Variants in CRCP observed in about 807,000 individuals in gnomAD.
The protein encoded by CRCP is CGRP receptor component, also known as DNA-directed RNA polymerase III subunit RPC9.
CRCP carries 18 observed loss-of-function variants against 18.5 expected under a neutral mutation model. The observed-to-expected ratio is 0.97, with a 90% CI of 0.67 to 1.44. The LOEUF is 1.44. Ranked by LOEUF, CRCP falls within the 40% of genes most tolerant of loss-of-function variation. CRCP has a pLI of 0.00. For missense variants in CRCP, 130 were observed against 176.4 expected, an observed-to-expected ratio of 0.74 and a Z score of 1.49; for synonymous variants, 53 against 62.9, an observed-to-expected ratio of 0.84 and a Z score of 0.75.
chr7:66,125,704 G>A (rs1390389528), intron 1 of CRCP, among the ~76,000 whole-genome samples: 1 of 149,330 alleles, frequency 6.7e-6, no homozygotes, highest in Admixed American at 6.7e-5. Flanking sequence ...AATGGCCAAG[G>A]ACAAATTTCC....
In CRCP at chr7:66,154,223, A is replaced by G. The variant is rs1584108064; in HGVS notation, c.*1866A>G. The G allele has an allele frequency of 7.5e-6, 1 of 133,464 alleles. No individual in the cohort carries two copies. Among genetic ancestry groups the G allele is most frequent in the Non-Finnish European group, 1.5e-5 (1 of 64,716 alleles). The allele number at this position is 133,464 out of a possible 1,614,324, so 8.3% of individuals were successfully genotyped here. A position where few individuals can be genotyped will look rare whatever the true frequency, so the allele number is the denominator to read the frequency against. ...TTGAGACAGTCTCGCTGTGTTGCCC[A>G]GGAGTGCAGTGGCACGATCTCTGCT... is the stretch of plus-strand genomic sequence containing the variant. On this transcript the variant is annotated 3_prime_UTR_variant, in exon 6 of 6. Transcript: ENST00000395326.
intron 1 of CRCP, among the ~76,000 whole-genome samples, chr7:66,118,666 C>T (rs1007744140): frequency 2.0e-5 from 3 of 152,182 alleles, no homozygotes; most frequent in Non-Finnish European, 1.5e-5. Context: ...AATCTATGCA[C>T]ATTCTCCCAT....
chr7:66,120,391 C>T (rs1003062596), intron 1 of CRCP, among the ~76,000 whole-genome samples: 1 of 152,062 alleles, frequency 6.6e-6, no homozygotes, highest in African/African-American at 2.4e-5. Context: ...CTTGTAACAG[C>T]CTGTCCCCTT....
Position 66,114,929 on chromosome 7 carries a change from C to G in CRCP, c.-34C>G. ...AGCTGTGAAGTGTGAGGTTCTTTGT[C>G]TGCTGGCAGCTAGGGGCGACGAGGC... On this transcript the variant is annotated 5_prime_UTR_variant, in exon 1 of 6. Transcript: ENST00000395326. 6.2e-7 allele frequency: 1 copy of G among 1,611,658 alleles called. No homozygotes were observed. The highest frequency in any genetic ancestry group is 1.7e-5 in the Admixed American group (1 of 59,920).
chr7:66,138,501 C>T (rs1391314137), intron 4 of CRCP, among the ~76,000 whole-genome samples: 1 of 151,600 alleles, frequency 6.6e-6, no homozygotes, highest in South Asian at 2.1e-4. Context: ...CTTCACTTCA[C>T]TAGCCTGGGC....
At position 66,154,091 on chromosome 7, in the gene CRCP, A is replaced by G. The variant is rs1344301946; in HGVS notation, c.*1734A>G. Reference sequence around the variant, plus strand: ...AGAAAGTACCAGATTGTACTTTTAAATCTGTCTAGCGTATTGAGAATTTTA... The same window carrying G: ...AGAAAGTACCAGATTGTACTTTTAAGTCTGTCTAGCGTATTGAGAATTTTA... On this transcript the variant is annotated 3_prime_UTR_variant, in exon 6 of 6. Transcript: ENST00000395326. 1 of 152,124 alleles carries G rather than the reference A, an allele frequency of 6.6e-6. No homozygotes were observed. Among genetic ancestry groups the G allele is most frequent in the East Asian group, 1.9e-4 (1 of 5,182 alleles). 9.4% of individuals were successfully genotyped at this position (152,124 alleles called of 1,614,324 possible).
intron 1 of CRCP, among the ~76,000 whole-genome samples, chr7:66,120,167 G>C (rs1270164629): frequency 1.3e-5 from 2 of 151,688 alleles, no homozygotes; most frequent in African/African-American, 4.8e-5. Flanking sequence ...CTGGGCGATA[G>C]AGCGAGACCC....
chr7:66,119,585 G>C (rs1787371169), intron 1 of CRCP: 1 of 152,190 alleles, frequency 6.6e-6, no homozygotes, highest in Non-Finnish European at 1.5e-5. Flanking sequence ...AAATGAATTG[G>C]ATTGGAGGGT....
chr7:66,144,878 G>T (rs1477822310), intron 4 of CRCP, among the ~76,000 whole-genome samples: 1 of 152,122 alleles, frequency 6.6e-6, no homozygotes, highest in South Asian at 2.1e-4. Flanking sequence ...GGCCGGGCAC[G>T]GTGGCTCACG....
intron 4 of CRCP, 24 bp downstream of exon 4, chr7:66,134,398 A>G (rs1292054817): frequency 6.9e-7 from 1 of 1,446,244 alleles, no homozygotes; most frequent in Non-Finnish European, 9.6e-7. Flanking sequence ...TTAAGTAGGA[A>G]GAGCGTGACA....
chr7:66,127,104 A>G (rs1787638623), intron 1 of CRCP, among the ~76,000 whole-genome samples: 1 of 152,390 alleles, frequency 6.6e-6, no homozygotes, highest in South Asian at 2.1e-4. Context: ...GTTCTTTGTC[A>G]TACTCCACTG....
intron 1 of CRCP, among the ~76,000 whole-genome samples, chr7:66,116,708 T>G (rs1179688750): frequency 6.6e-6 from 1 of 152,116 alleles, no homozygotes; most frequent in South Asian, 2.1e-4. Context: ...TGTCCCCCTC[T>G]TACTCCATTT....
intron 3 of CRCP, 77 bp from the exon 4 acceptor site, chr7:66,134,203 G>A: frequency 1.8e-6 from 2 of 1,123,058 alleles, no homozygotes; most frequent in South Asian, 1.3e-5. Context: ...TTTAATTACA[G>A]TCATTGCCTT....
chr7:66,133,066 A>G (rs915989039), intron 3 of CRCP, among the ~76,000 whole-genome samples: 12 of 152,272 alleles, frequency 7.9e-5, no homozygotes, highest in African/African-American at 2.9e-4. Context: ...AGTAATTAAA[A>G]AATATTTTGT....
intron 5 of CRCP, among the ~76,000 whole-genome samples, chr7:66,146,000 C>A (rs1257777076): frequency 6.6e-6 from 1 of 152,168 alleles, no homozygotes; most frequent in East Asian, 1.9e-4. Context: ...CCTTTCATCT[C>A]ACAGTCAGGG....
Position 66,129,000 on chromosome 7 carries a change from C to A in CRCP, c.45+1260C>A, listed in dbSNP as rs150826498. ...GATTGCTTGAGGCTATGAGTTAGAG[C>A]TCAGCCTGGGAAACCTAGCAAGACC... On this transcript the variant is annotated intron_variant, in intron 2 of 5. Transcript: ENST00000395326. 7.0e-3 allele frequency among the ~76,000 whole-genome samples: 1,062 copies of A among 152,134 alleles called. 9 individuals are homozygous for A. The highest frequency in any genetic ancestry group is 0.025 in the African/African-American group (1,023 of 41,516).
intron 1 of CRCP, among the ~76,000 whole-genome samples, chr7:66,118,387 A>ATAAT (rs1467815883): frequency 2.0e-5 from 3 of 152,210 alleles, no homozygotes; most frequent in Non-Finnish European, 4.4e-5. Flanking sequence ...TTTCCCTCAA[A>ATAAT]TAATTACAAG....
chr7:66,151,405 G>A (rs990358172), intron 5 of CRCP, among the ~76,000 whole-genome samples: 9 of 152,020 alleles, frequency 5.9e-5, no homozygotes, highest in African/African-American at 1.9e-4. Flanking sequence ...CCGTCTCTAC[G>A]AAAAATACGA....
intron 1 of CRCP, among the ~76,000 whole-genome samples, chr7:66,118,161 A>G (rs1584054880): frequency 1.3e-5 from 2 of 152,000 alleles, no homozygotes; most frequent in East Asian, 1.9e-4. Context: ...TATTTTTAGT[A>G]GAGACGGGGT....
Sources: allele counts gnomAD v4.1 joint callset (sites outside exome capture counted in the v4.1 genomes callset), GRCh38; gene constraint gnomAD v4.1.1; transcripts MANE v1.5; gene names NCBI Gene and HGNC (gene_info 2026-07-23, HGNC 2026-07-21).